Variants in RYR2 observed in about 807,000 individuals in gnomAD.
RYR2 encodes ryanodine receptor 2.
A neutral mutation model predicts 601.1 loss-of-function variants in RYR2; 227 were observed. That is an observed-to-expected ratio of 0.38 (90% CI 0.34 to 0.42). The LOEUF (loss-of-function observed/expected upper bound fraction) is 0.42, where lower values mean the gene tolerates loss of function less well. RYR2 is among the 10% of genes least tolerant of loss of function. RYR2 has a pLI of 1.00. For synonymous variants in RYR2, 2,223 were observed against 2,175.1 expected (o/e 1.02, Z -0.61); for missense variants, 4,646 against 6,156.5 (o/e 0.75, Z 8.21).
At chr1:237,173,795 G>A (rs1007723252) in intron 1 of RYR2, among the ~76,000 whole-genome samples, 1 of 152,154 alleles carries the variant, frequency 6.6e-6, no homozygotes, top group Non-Finnish European at 1.5e-5. Flanking sequence ...GGTGGCTCAC[G>A]CCTGTAATCC....
intron 2 of RYR2, among the ~76,000 whole-genome samples, chr1:237,293,837 G>A (rs1181234823): frequency 6.6e-6 from 1 of 152,060 alleles, no homozygotes; most frequent in Non-Finnish European, 1.5e-5. Context: ...GGGTTTTTAA[G>A]GAGGCTCCAT....
intron 73 of RYR2, among the ~76,000 whole-genome samples, chr1:237,720,937 T>C (rs1326379816): frequency 6.6e-6 from 1 of 152,156 alleles, no homozygotes; most frequent in Non-Finnish European, 1.5e-5. Context: ...AAAGGAAACA[T>C]TGATTGTCCA....
chr1:237,782,342 T>C (rs1181890893), intron 89 of RYR2, among the ~76,000 whole-genome samples: 2 of 152,084 alleles, frequency 1.3e-5, no homozygotes, highest in Non-Finnish European at 2.9e-5. Flanking sequence ...CTCTGCAAAA[T>C]AGAAATGATA....
intron 2 of RYR2, among the ~76,000 whole-genome samples, chr1:237,311,050 C>T (rs1409971606): frequency 2.0e-5 from 3 of 152,140 alleles, no homozygotes; most frequent in Non-Finnish European, 4.4e-5. Flanking sequence ...CAATAACAGG[C>T]AGAGTAGGCA....
At chr1:237,631,033 A>G (rs1377434819) in intron 41 of RYR2, among the ~76,000 whole-genome samples, 2 of 152,192 alleles carry the variant, frequency 1.3e-5, no homozygotes, top group African/African-American at 4.8e-5. Flanking sequence ...AACAGCATAT[A>G]TATGAAAAGC....
rs991989245 is a variant in RYR2 at position 237,649,548 on chromosome 1, GA to G, written c.7513-325del. Among the ~76,000 whole-genome samples the G allele has an allele frequency of 6.6e-5, 10 of 152,204 alleles. 1 individual carries two copies. Among genetic ancestry groups the G allele is most frequent in the Admixed American group, 6.5e-4 (10 of 15,282 alleles). On this transcript the variant is annotated intron_variant, in intron 49 of 104. Coordinates refer to ENST00000366574, the MANE Select transcript of RYR2 (RefSeq NM_001035.3). ...AAGCTCCTCTCTTTGCCTAGCAAAG[GA>G]AAATACTCACATCTGTGATATTATT...
At chr1:237,137,856 A>G (rs1218837160) in intron 1 of RYR2, among the ~76,000 whole-genome samples, 1 of 152,250 alleles carries the variant, frequency 6.6e-6, no homozygotes, top group Non-Finnish European at 1.5e-5. Flanking sequence ...CAGTTAAATA[A>G]CAAGTGAACA....
intron 3 of RYR2, chr1:237,341,555 A>G: frequency 2.1e-6 from 1 of 470,700 alleles, no homozygotes; most frequent in Non-Finnish European, 4.3e-6. Context: ...TCCCCATTAG[A>G]GTGTAAATCT....
At chr1:237,827,352 G>A (rs1663213199) in intron 101 of RYR2, among the ~76,000 whole-genome samples, 1 of 152,070 alleles carries the variant, frequency 6.6e-6, no homozygotes, top group East Asian at 1.9e-4. Flanking sequence ...AAGTGATTTG[G>A]GGCCTGGCAC....
At chr1:237,675,186 A>G (rs1373814227) in intron 60 of RYR2, among the ~76,000 whole-genome samples, 2 of 152,210 alleles carry the variant, frequency 1.3e-5, no homozygotes, top group Non-Finnish European at 2.9e-5. Flanking sequence ...ACTCATAAGA[A>G]AAACTTCCAA....
intron 58 of RYR2, among the ~76,000 whole-genome samples, chr1:237,669,429 C>A (rs1309730758): frequency 6.6e-6 from 1 of 151,994 alleles, no homozygotes; most frequent in Non-Finnish European, 1.5e-5. Context: ...GGCAGAGGGG[C>A]TCCTCACTTC....
At chr1:237,606,984 A>T (rs1677198397) in intron 35 of RYR2, among the ~76,000 whole-genome samples, 1 of 152,228 alleles carries the variant, frequency 6.6e-6, no homozygotes, top group Non-Finnish European at 1.5e-5. Flanking sequence ...TGGGACTGTA[A>T]ACTAGTTCAA....
chr1:237,792,391 G>GTT (rs1658537696), intron 94 of RYR2, 68 bp downstream of exon 94: 1 of 778,500 alleles, frequency 1.3e-6, no homozygotes, highest in African/African-American at 2.8e-5. Context: ...GCGTGTGTGT[G>GTT]TGTGTGCGTG....
At chr1:237,832,340 G>C (rs1663895649) in intron 104 of RYR2, among the ~76,000 whole-genome samples, 1 of 151,920 alleles carries the variant, frequency 6.6e-6, no homozygotes, top group African/African-American at 2.4e-5. Flanking sequence ...GCTTGAGCCA[G>C]TGTGCCCAGC....
chr1:237,646,816 G>A (rs1015639598), intron 48 of RYR2, among the ~76,000 whole-genome samples: 4 of 152,204 alleles, frequency 2.6e-5, no homozygotes, highest in African/African-American at 9.7e-5. Flanking sequence ...GTAATTGCGG[G>A]TGGATGTATA....
intron 1 of RYR2, among the ~76,000 whole-genome samples, chr1:237,250,539 C>A (rs547456674): frequency 6.6e-6 from 1 of 152,274 alleles, no homozygotes; most frequent in African/African-American, 2.4e-5. Context: ...TGTGTCCTGG[C>A]AGTCCTCCCT....
chr1:237,509,943 G>A (rs1414528855), intron 23 of RYR2, among the ~76,000 whole-genome samples: 1 of 152,200 alleles, frequency 6.6e-6, no homozygotes, highest in African/African-American at 2.4e-5. Context: ...TGTTGCAAGA[G>A]GACACCTCTG....
intron 77 of RYR2, among the ~76,000 whole-genome samples, chr1:237,730,836 C>T (rs1375813262): frequency 1.3e-5 from 2 of 152,104 alleles, no homozygotes; most frequent in African/African-American, 2.4e-5. Context: ...AGAATTTTCA[C>T]CAGACTGTGC....
chr1:237,131,844 C>T (rs894130642), intron 1 of RYR2, among the ~76,000 whole-genome samples: 6 of 151,988 alleles, frequency 3.9e-5, no homozygotes, highest in African/African-American at 1.4e-4. Flanking sequence ...CCTCAGCCTC[C>T]AGAGTAGCTG....
Sources: allele counts gnomAD v4.1 joint callset (sites outside exome capture counted in the v4.1 genomes callset), GRCh38; gene constraint gnomAD v4.1.1; transcripts MANE v1.5; gene names NCBI Gene and HGNC (gene_info 2026-07-23, HGNC 2026-07-21).